Variants in CDCA7 observed in about 807,000 individuals in gnomAD.
CDCA7 encodes the protein cell division cycle associated 7.
A neutral mutation model predicts 54.0 loss-of-function variants in CDCA7; 28 were observed. That is an observed-to-expected ratio of 0.52 (90% confidence interval 0.38 to 0.71). CDCA7 has a LOEUF of 0.71. Among genes scored for constraint, CDCA7 ranks in the 30% least tolerant of loss-of-function variants. CDCA7 has a pLI of 0.00. For missense variants in CDCA7, 484 were observed against 586.0 expected (o/e 0.83, Z 1.80); for synonymous variants, 180 against 208.2 (o/e 0.86, Z 1.16).
intron 3 of CDCA7, among the ~76,000 whole-genome samples, chr2:173,361,519 T>C (rs1167579266): frequency 6.6e-6 from 1 of 151,542 alleles, no homozygotes; most frequent in Admixed American, 6.6e-5. Context: ...TGGCATAATT[T>C]TGGCTCACCA....
In CDCA7 at chr2:173,354,936, A is replaced by G; in HGVS notation, c.-28A>G. ...CGGCTGCTCCGCTCTCCCCGCTCCA[A>G]GCGCCGATCTGGGCACCCGCCACCA... On this transcript the variant is annotated 5_prime_UTR_variant, in exon 1 of 10. Coordinates refer to ENST00000306721, the MANE Select transcript of CDCA7 (RefSeq NM_031942.5). The G allele has an allele frequency of 2.7e-6, 4 of 1,473,674 alleles. No individual in the cohort carries two copies. Among genetic ancestry groups the G allele is most frequent in the South Asian group, 2.6e-5 (2 of 77,788 alleles). The allele number at this position is 1,473,674 out of a possible 1,614,324, so 91.3% of individuals were successfully genotyped here.
Position 173,354,967 on chromosome 2 carries a change from G to T in CDCA7, c.4G>T (p.Asp2Tyr), listed in dbSNP as rs1686465802. The T allele has an allele frequency of 2.1e-6, 3 of 1,452,014 alleles. No homozygotes were observed. The highest frequency in any genetic ancestry group is 2.7e-6 in the Non-Finnish European group (3 of 1,110,452). 89.9% of individuals were successfully genotyped at this position (1,452,014 alleles called of 1,614,324 possible). The change falls in exon 1 of 10, where the codon GAC (aspartate) becomes TAC (tyrosine). Residue 2 changes from aspartate to tyrosine, a missense_variant. Asp to Tyr is a radical substitution (Grantham distance 160, BLOSUM62 -3). Around this residue, in one of 3 missense-constraint regions of CDCA7, gnomAD observed 398 missense variants for 447.4 expected, o/e 0.89. Coordinates refer to ENST00000306721, the MANE Select transcript of CDCA7 (RefSeq NM_031942.5). M[D>Y]ARRVPQKDLR... The stretch of plus-strand genomic sequence containing the variant: ...GATCTGGGCACCCGCCACCAGCATG[G>T]ACGCTCGCCGCGTGCCGGTGAGGGC...
At chr2:173,367,536 A>G (rs1686747130) in intron 9 of CDCA7, 98 bp from the exon 10 acceptor site, 1 of 1,462,964 alleles carries the variant, frequency 6.8e-7, no homozygotes, top group Admixed American at 1.7e-5. Context: ...GTGATGTTAT[A>G]ACTCAATAAA....
intron 8 of CDCA7, 82 bp from the exon 9 acceptor site, chr2:173,367,068 G>A (rs1230527335): frequency 6.7e-7 from 1 of 1,497,326 alleles, no homozygotes; most frequent in Non-Finnish European, 8.9e-7. Context: ...TAACCATAAA[G>A]AAGGGGTTAA....
rs1227069138 is a variant in CDCA7 at position 173,368,044 on chromosome 2, A to G, written c.*380A>G. On this transcript the variant is annotated 3_prime_UTR_variant, in exon 10 of 10. Transcript: ENST00000306721. ...CACTTGGAAACACAATAATAGTATTAACTAACTAGATCTATTGAATTTCAG... is the reference window on the plus strand; with the variant it reads ...CACTTGGAAACACAATAATAGTATTGACTAACTAGATCTATTGAATTTCAG... 1 of 219,982 alleles carries G rather than the reference A, an allele frequency of 4.5e-6. No homozygotes were observed. Among genetic ancestry groups the G allele is most frequent in the Non-Finnish European group, 9.1e-6 (1 of 110,238 alleles). 13.6% of individuals were successfully genotyped at this position (219,982 alleles called of 1,614,324 possible).
rs1476151346 is a variant in CDCA7, at chr2:173,363,755, A to G, written c.622-63A>G. On this transcript the variant is annotated intron_variant, in intron 4 of 9. Coordinates refer to ENST00000306721, the MANE Select transcript of CDCA7 (RefSeq NM_031942.5). ...TGTACTTGAGTATTTTCCAGAAGTT[A>G]GTTGCTCATTTTCGACAGTTATTCT... 1.5e-5 allele frequency: 22 copies of G among 1,464,470 alleles called. No homozygotes were observed. In the East Asian group the frequency reaches 4.5e-4, roughly 30 times the overall value. 90.7% of individuals were successfully genotyped at this position (1,464,470 alleles called of 1,614,324 possible).
rs964636013 is a variant in CDCA7 at position 173,368,474 on chromosome 2, A to G, written c.*810A>G. 7 of 152,252 alleles carry G rather than the reference A, an allele frequency of 4.6e-5. No homozygotes were observed. The highest frequency in any genetic ancestry group is 1.7e-4 in the African/African-American group (7 of 41,468). The allele number at this position is 152,252 out of a possible 1,614,324, so 9.4% of individuals were successfully genotyped here. On this transcript the variant is annotated 3_prime_UTR_variant, in exon 10 of 10. Transcript: ENST00000306721. ...TTCAGTTCACATGTAAGGTATTGCA[A>G]ATAAATTCTTGGACAATTTTGTATG...
chr2:173,363,864 G>A lies in CDCA7; in HGVS notation c.668G>A (p.Arg223His), dbSNP rs774858532. The change falls in exon 5 of 10, where the codon CGT (arginine) becomes CAT (histidine). Residue 223 changes from arginine (R) to histidine (H), a missense_variant. Physicochemically the swap from Arg to His is conservative, Grantham distance 29. Coordinates refer to ENST00000306721, the MANE Select transcript of CDCA7 (RefSeq NM_031942.5). Reference sequence around the variant, plus strand: ...TTAGAAAGCTTCCCTGGCTCGTTCCGTGGAAGACATCCCCTCCCAGGCTCC... The same window carrying A: ...TTAGAAAGCTTCCCTGGCTCGTTCCATGGAAGACATCCCCTCCCAGGCTCC... ...SELESFPGSF[R>H]GRHPLPGSDS... The A allele has an allele frequency of 9.3e-6, 15 of 1,614,046 alleles. No homozygotes were observed. The highest frequency in any genetic ancestry group is 5.5e-5 in the South Asian group (5 of 91,088).
chr2:173,363,711 C>A, intron 4 of CDCA7, 107 bp from the exon 5 acceptor site: 2 of 1,160,484 alleles, frequency 1.7e-6, no homozygotes, highest in Non-Finnish European at 1.3e-6. Context: ...AGCTTACTAT[C>A]AAATATAAAA....
intron 3 of CDCA7, among the ~76,000 whole-genome samples, chr2:173,361,074 T>G (rs1411201261): frequency 6.6e-6 from 1 of 152,216 alleles, no homozygotes; most frequent in African/African-American, 2.4e-5. Flanking sequence ...GACTGGCTTC[T>G]TTCACTTAGG....
chr2:173,364,581 T>G, intron 5 of CDCA7: 1 of 438,274 alleles, frequency 2.3e-6, no homozygotes, highest in Non-Finnish European at 3.6e-6. Context: ...TCTCTCAAGT[T>G]GAAAGAAACT....
chr2:173,363,440 A>C lies in CDCA7; in HGVS notation c.599A>C (p.Asn200Thr), dbSNP rs1558949640. ...AATTTTTTGGAGAAAAGGGCTTTAA[A>C]TATAAAGCAAAACAAAGCAATGGTA... ...GMNFLEKRAL[N>T]IKQNKAMLAK... The change falls in exon 4 of 10, where the codon AAT (asparagine) becomes ACT (threonine). Residue 200 changes from asparagine (N) to threonine (T), a missense_variant. Asn to Thr is a moderately conservative substitution (Grantham distance 65). Transcript: ENST00000306721. 1 of 1,614,172 alleles carries C rather than the reference A, an allele frequency of 6.2e-7. No homozygotes were observed. Among genetic ancestry groups the C allele is most frequent in the Non-Finnish European group, 8.5e-7 (1 of 1,179,992 alleles).
In CDCA7 at chr2:173,367,703, T is replaced by C. The variant is rs2106393070; in HGVS notation, c.*39T>C. The stretch of plus-strand genomic sequence containing the variant: ...TGCTGCCTGCCTTCTACTTCTCAAA[T>C]CTTTCTTGTAAAAGTTTCCAATTTT... On this transcript the variant is annotated 3_prime_UTR_variant, in exon 10 of 10. Transcript: ENST00000306721. 1 of 1,610,740 alleles carries C rather than the reference T, an allele frequency of 6.2e-7. No homozygotes were observed. The highest frequency in any genetic ancestry group is 2.2e-5 in the East Asian group (1 of 44,836).
chr2:173,360,160 A>G (rs1044696109), intron 3 of CDCA7, among the ~76,000 whole-genome samples: 2 of 152,164 alleles, frequency 1.3e-5, no homozygotes, highest in Non-Finnish European at 2.9e-5. Context: ...TCTTCAACTC[A>G]CTGGTCTGAC....
chr2:173,367,698 T>C lies in CDCA7; in HGVS notation c.*34T>C, dbSNP rs759893470. 1.6e-5 allele frequency: 25 copies of C among 1,611,480 alleles called. No individual in the cohort carries two copies. The African/African-American group carries it at 3.1e-4, about 20-fold the overall frequency. ...AAATTTGCTGCCTGCCTTCTACTTC[T>C]CAAATCTTTCTTGTAAAAGTTTCCA... On this transcript the variant is annotated 3_prime_UTR_variant, in exon 10 of 10. Coordinates refer to ENST00000306721, the MANE Select transcript of CDCA7 (RefSeq NM_031942.5).
chr2:173,365,427 G>A (rs753599306), intron 6 of CDCA7, 25 bp from the exon 7 acceptor site: 4 of 1,571,040 alleles, frequency 2.5e-6, no homozygotes, highest in Non-Finnish European at 2.6e-6. Flanking sequence ...TTGAAGTTCT[G>A]TGTTTTGTAT....
At chr2:173,364,136 A>C in intron 5 of CDCA7, 1 of 386,584 alleles carries the variant, frequency 2.6e-6, no homozygotes, top group Non-Finnish European at 4.6e-6. Flanking sequence ...TTTCCTTCCC[A>C]GCTAGACTAA....
At chr2:173,358,675 G>A (rs777027005) in intron 1 of CDCA7, 37 bp from the exon 2 acceptor site, 1 of 1,597,682 alleles carries the variant, frequency 6.3e-7, no homozygotes, top group Non-Finnish European at 8.5e-7. Context: ...AATAAAGTAA[G>A]CATCACGCTT....
chr2:173,367,462 C>T (rs1437976920), intron 9 of CDCA7, among the ~76,000 whole-genome samples, 172 bp from the exon 10 acceptor site: 3 of 151,976 alleles, frequency 2.0e-5, no homozygotes, highest in Admixed American at 6.6e-5. Flanking sequence ...GGTGGTAACC[C>T]GGGTGGGTGG....
Sources: allele counts gnomAD v4.1 joint callset (sites outside exome capture counted in the v4.1 genomes callset), GRCh38; gene constraint gnomAD v4.1.1; regional missense constraint gnomAD v4.1.1; transcripts MANE v1.5; gene names NCBI Gene and HGNC (gene_info 2026-07-23, HGNC 2026-07-21).